Variants in LINC00305 observed in about 807,000 individuals in gnomAD.
LINC00305 encodes long independently transcribed non-coding RNA 305.
chr18:64,135,454 A>G (rs2051428623), intron 1 of LINC00305, among the ~76,000 whole-genome samples: 1 of 152,196 alleles, frequency 6.6e-6, no homozygotes, highest in Admixed American at 6.5e-5. Flanking sequence ...ACACAAATGT[A>G]CATGGTTTTG....
chr18:64,104,368 G>A (rs1353871322), intron 1 of LINC00305: 1 of 152,204 alleles, frequency 6.6e-6, no homozygotes, highest in Admixed American at 6.5e-5. Flanking sequence ...GTATATTACA[G>A]AGGAAGGCAG....
chr18:64,097,494 C>T (rs1014688232), intron 3 of LINC00305, among the ~76,000 whole-genome samples: 1 of 151,930 alleles, frequency 6.6e-6, no homozygotes, highest in African/African-American at 2.4e-5. Context: ...CTTGTAATTG[C>T]TATGTTTCCA....
chr18:64,107,956 A>G (rs992724589), intron 1 of LINC00305, among the ~76,000 whole-genome samples: 8 of 152,152 alleles, frequency 5.3e-5, no homozygotes, highest in African/African-American at 1.2e-4. Context: ...TGCTGTAACT[A>G]TGGAGAGAAT....
chr18:64,123,223 A>T (rs1422766091), intron 1 of LINC00305, among the ~76,000 whole-genome samples: 1 of 152,022 alleles, frequency 6.6e-6, no homozygotes, highest in African/African-American at 2.4e-5. Context: ...TGTTGAATAG[A>T]AGTGGTGAAA....
At chr18:64,143,848 A>C (rs1459300789) in intron 1 of LINC00305, among the ~76,000 whole-genome samples, 2 of 114,800 alleles carry the variant, frequency 1.7e-5, no homozygotes, top group Non-Finnish European at 4.0e-5. Flanking sequence ...GTATGTATAC[A>C]TACATACATA....
At chr18:64,102,031 C>T (rs2051269469) in intron 1 of LINC00305, among the ~76,000 whole-genome samples, 1 of 152,184 alleles carries the variant, frequency 6.6e-6, no homozygotes, top group East Asian at 1.9e-4. Context: ...TGTGCCTTCC[C>T]AAGTCCTGAC....
chr18:64,081,564 A>G (rs78825557), intron 3 of LINC00305, among the ~76,000 whole-genome samples: 1 of 152,184 alleles, frequency 6.6e-6, no homozygotes, highest in African/African-American at 2.4e-5. Flanking sequence ...ATAAAAATAA[A>G]TATTTATTGT....
chr18:64,136,744 G>A (rs1170040525), intron 1 of LINC00305, among the ~76,000 whole-genome samples: 1 of 152,148 alleles, frequency 6.6e-6, no homozygotes, highest in Non-Finnish European at 1.5e-5. Flanking sequence ...ATTACAAGTT[G>A]GGAGCTTAGG....
intron 1 of LINC00305, among the ~76,000 whole-genome samples, chr18:64,134,831 A>G (rs1335355056): frequency 6.6e-6 from 1 of 152,360 alleles, no homozygotes; most frequent in East Asian, 1.9e-4. Context: ...ATAAATTATG[A>G]GGTCTACATT....
intron 1 of LINC00305, among the ~76,000 whole-genome samples, chr18:64,121,977 T>C (rs1010485375): frequency 2.0e-5 from 3 of 152,140 alleles, no homozygotes; most frequent in African/African-American, 7.2e-5. Flanking sequence ...GCCATTTTTA[T>C]GTCTTCTTTT....
chr18:64,101,701 T>G (rs1215186433), intron 1 of LINC00305, among the ~76,000 whole-genome samples: 1 of 152,200 alleles, frequency 6.6e-6, no homozygotes, highest in Non-Finnish European at 1.5e-5. Flanking sequence ...AAGCTTCTTC[T>G]GGAAGAAGTT....
At chr18:64,127,410 G>A (rs892838874) in intron 1 of LINC00305, 3 of 152,056 alleles carry the variant, frequency 2.0e-5, no homozygotes, top group Non-Finnish European at 2.9e-5. Context: ...TTTCAGGGAC[G>A]TGAGGTACGG....
At chr18:64,111,927 G>A (rs888154952) in intron 1 of LINC00305, among the ~76,000 whole-genome samples, 2 of 152,220 alleles carry the variant, frequency 1.3e-5, no homozygotes, top group African/African-American at 4.8e-5. Context: ...GGACCATGGT[G>A]AGAAAAAGTG....
chr18:64,120,473 T>G (rs2051357082), intron 1 of LINC00305, among the ~76,000 whole-genome samples: 1 of 152,098 alleles, frequency 6.6e-6, no homozygotes, highest in Non-Finnish European at 1.5e-5. Flanking sequence ...TTTTTAGTTT[T>G]ATAGCGTTTA....
chr18:64,098,876 T>A (rs2051257431), intron 1 of LINC00305, among the ~76,000 whole-genome samples: 1 of 152,026 alleles, frequency 6.6e-6, no homozygotes, highest in African/African-American at 2.4e-5. Flanking sequence ...TTGACAAAAA[T>A]ATTGGGTAGG....
At chr18:64,130,902 T>C (rs921132414) in intron 1 of LINC00305, among the ~76,000 whole-genome samples, 5 of 152,140 alleles carry the variant, frequency 3.3e-5, no homozygotes, top group African/African-American at 1.2e-4. Flanking sequence ...GGAGACGCTA[T>C]TGTGAAAGAC....
chr18:64,100,533 T>C (rs2051264150), intron 1 of LINC00305, among the ~76,000 whole-genome samples: 1 of 152,220 alleles, frequency 6.6e-6, no homozygotes. Context: ...AAGCCCAATT[T>C]ACCCTACTTT....
intron 3 of LINC00305, among the ~76,000 whole-genome samples, chr18:64,086,546 T>A (rs1479339085): frequency 6.6e-6 from 1 of 152,248 alleles, no homozygotes; most frequent in Non-Finnish European, 1.5e-5. Context: ...TGACCTTTGA[T>A]TCACTAAAGC....
chr18:64,122,863 C>A (rs1276846147), intron 1 of LINC00305, among the ~76,000 whole-genome samples: 4 of 151,956 alleles, frequency 2.6e-5, no homozygotes, highest in African/African-American at 9.7e-5. Flanking sequence ...TCTATGATTT[C>A]TTTCATCAGC....
Sources: gnomAD v4.1 joint callset for allele counts (sites outside exome capture counted in the v4.1 genomes callset) on GRCh38, gnomAD v4.1.1 for gene constraint, MANE v1.5 for transcripts, NCBI Gene and HGNC (gene_info 2026-07-23, HGNC 2026-07-21) for gene names.